Variants in POU3F3 observed in about 807,000 individuals in gnomAD.
The protein encoded by POU3F3 is POU domain, class 3, transcription factor 3.
A neutral mutation model predicts 8.6 loss-of-function variants in POU3F3; 1 was observed. The observed-to-expected ratio is 0.12, with a 90% CI of 0.04 to 0.55. POU3F3 has a LOEUF of 0.55. Among genes scored for constraint, POU3F3 ranks in the 20% least tolerant of loss-of-function variants. POU3F3 has a pLI of 0.91. For synonymous variants in POU3F3, 418 were observed against 327.4 expected (o/e 1.28, Z -2.99); for missense variants, 577 against 690.7 (o/e 0.84, Z 1.84).
At chr2:104,906,065 G>A in the POU3F3 span, among the ~76,000 whole-genome samples, 2 of 152,160 alleles carry the variant, frequency 1.3e-5, no homozygotes, top group East Asian at 3.9e-4. Flanking sequence ...CTATATTCAT[G>A]TAGTTCCAGT....
At chr2:104,914,133 A>G in the POU3F3 span, among the ~76,000 whole-genome samples, 1 of 152,346 alleles carries the variant, frequency 6.6e-6, no homozygotes, top group East Asian at 1.9e-4. Context: ...TCTCTGTTTT[A>G]TTAAGTTTGT....
chr2:104,915,563 G>C, the POU3F3 span, among the ~76,000 whole-genome samples: 1 of 152,116 alleles, frequency 6.6e-6, no homozygotes, highest in Non-Finnish European at 1.5e-5. Context: ...TGAAAGGCTG[G>C]CTCTGTGGCC....
chr2:104,922,910 G>C, the POU3F3 span, among the ~76,000 whole-genome samples: 5 of 152,272 alleles, frequency 3.3e-5, no homozygotes, highest in East Asian at 7.7e-4. Flanking sequence ...AGCTACAAGA[G>C]AGAAGTAAGG....
the POU3F3 span, among the ~76,000 whole-genome samples, chr2:104,916,351 T>C: frequency 6.6e-6 from 1 of 152,188 alleles, no homozygotes; most frequent in Non-Finnish European, 1.5e-5. Flanking sequence ...TCTTGCTGGG[T>C]AAGAAATGAA....
At chr2:104,878,419 C>T in the POU3F3 span, among the ~76,000 whole-genome samples, 1 of 152,146 alleles carries the variant, frequency 6.6e-6, no homozygotes, top group Non-Finnish European at 1.5e-5. Context: ...TATTGTCTAC[C>T]TGCACGTACT....
At chr2:104,922,229 A>G in the POU3F3 span, among the ~76,000 whole-genome samples, 445 of 152,250 alleles carry the variant, frequency 2.9e-3, 1 homozygote, top group African/African-American at 0.01. Flanking sequence ...TTAGATTCCA[A>G]TGTCTTGTTT....
At chr2:104,902,480 A>G in the POU3F3 span, among the ~76,000 whole-genome samples, 1 of 152,164 alleles carries the variant, frequency 6.6e-6, no homozygotes, top group Non-Finnish European at 1.5e-5. Flanking sequence ...ATTGAATGAA[A>G]CAATACCCTG....
At chr2:104,862,999 T>C (rs1329652134), downstream of POU3F3, among the ~76,000 whole-genome samples, 1 of 151,274 alleles carries the variant, frequency 6.6e-6, no homozygotes, top group African/African-American at 2.4e-5. Flanking sequence ...AATAGTAAAT[T>C]CTTTTTTTTT....
chr2:104,893,812 G>T, the POU3F3 span, among the ~76,000 whole-genome samples: 2 of 151,470 alleles, frequency 1.3e-5, no homozygotes, highest in Non-Finnish European at 2.9e-5. Flanking sequence ...GAACCCTGGA[G>T]GCGGAGGTTG....
the POU3F3 span, chr2:104,866,552 C>T: frequency 6.6e-6 from 1 of 152,186 alleles, no homozygotes; most frequent in Non-Finnish European, 1.5e-5. Context: ...CAAGTGCTGG[C>T]TGAGTTGGGG....
the POU3F3 span, among the ~76,000 whole-genome samples, chr2:104,924,265 T>C: frequency 1.3e-5 from 2 of 152,180 alleles, no homozygotes; most frequent in African/African-American, 2.4e-5. Context: ...TATGGAAAGA[T>C]GATGTTACAG....
chr2:104,855,487 G>GCTGC lies in POU3F3; in HGVS notation c.-24_-23insCTGC. On this transcript the variant is annotated 5_prime_UTR_variant, in exon 1 of 1. Coordinates refer to ENST00000361360, the MANE Select transcript of POU3F3 (RefSeq NM_006236.3). ...GGCGGCGGCGGCGGTGGTGGCGGCG[G>GCTGC]TGGGGTGGCGGGAGCGGAGCGGCAT... is the stretch of plus-strand genomic sequence containing the variant. 1 of 973,936 alleles carries GCTGC rather than the reference G, an allele frequency of 1.0e-6. No homozygotes were observed. The highest frequency in any genetic ancestry group is 1.2e-6 in the Non-Finnish European group (1 of 821,366). 60.3% of individuals were successfully genotyped at this position (973,936 alleles called of 1,614,324 possible). A position where few individuals can be genotyped will look rare whatever the true frequency, so the allele number is the denominator to read the frequency against.
the POU3F3 span, among the ~76,000 whole-genome samples, chr2:104,909,287 G>A: frequency 6.6e-6 from 1 of 152,158 alleles, no homozygotes; most frequent in Non-Finnish European, 1.5e-5. Context: ...GCCTGATGAG[G>A]GAGAAAACCA....
chr2:104,903,662 C>G, the POU3F3 span, among the ~76,000 whole-genome samples: 1 of 152,318 alleles, frequency 6.6e-6, no homozygotes, highest in East Asian at 1.9e-4. Flanking sequence ...GCATATGTGT[C>G]TGGCGCCTAA....
Position 104,856,256 on chromosome 2 carries a change from G to C in POU3F3, c.746G>C (p.Gly249Ala), listed in dbSNP as rs1676565993. ...GPGGGGGGAG[G>A]GAQSLVHPGL... The stretch of plus-strand genomic sequence containing the variant: ...GGCGGCGGCGGCGGCGGCGCGGGCG[G>C]TGGAGCCCAGAGCTTGGTGCACCCG... The change falls in exon 1 of 1, where the codon GGT (glycine) becomes GCT (alanine). Residue 249 changes from glycine (G) to alanine (A), a missense_variant. Gly to Ala is a moderately conservative substitution (Grantham distance 60, BLOSUM62 0). Coordinates refer to ENST00000361360, the MANE Select transcript of POU3F3 (RefSeq NM_006236.3). 2 of 1,322,810 alleles carry C rather than the reference G, an allele frequency of 1.5e-6. No homozygotes were observed. The highest frequency in any genetic ancestry group is 1.9e-6 in the Non-Finnish European group (2 of 1,046,700). The allele number at this position is 1,322,810 out of a possible 1,614,324, so 81.9% of individuals were successfully genotyped here.
chr2:104,913,504 A>G, the POU3F3 span, among the ~76,000 whole-genome samples: 4 of 152,140 alleles, frequency 2.6e-5, no homozygotes, highest in Non-Finnish European at 4.4e-5. Flanking sequence ...TGTCTATCAG[A>G]GCTAAAAATG....
chr2:104,878,167 G>T, the POU3F3 span, among the ~76,000 whole-genome samples: 14 of 152,294 alleles, frequency 9.2e-5, no homozygotes, highest in Non-Finnish European at 2.1e-4. Flanking sequence ...GGTCAGCTTG[G>T]TGGAAGGACA....
rs1027811685 is a variant in POU3F3 at position 104,858,178 on chromosome 2, A to G, written c.*1165A>G. 1 of 152,226 alleles carries G rather than the reference A, an allele frequency of 6.6e-6. No individual in the cohort carries two copies. Among genetic ancestry groups the G allele is most frequent in the African/African-American group, 2.4e-5 (1 of 41,456 alleles). The allele number at this position is 152,226 out of a possible 1,614,324, so 9.4% of individuals were successfully genotyped here. On this transcript the variant is annotated 3_prime_UTR_variant, in exon 1 of 1. Transcript: ENST00000361360. The stretch of plus-strand genomic sequence containing the variant: ...GACTTCTCTCCTCAATCCGTTGCCA[A>G]CTTTGATTGAATGGGTGCTGTGGAT...
At chr2:104,926,214 G>A in the POU3F3 span, among the ~76,000 whole-genome samples, 4 of 152,090 alleles carry the variant, frequency 2.6e-5, no homozygotes, top group Non-Finnish European at 5.9e-5. Flanking sequence ...ATCTGACAAA[G>A]GGCTAATATC....
Sources: gnomAD v4.1 joint callset for allele counts (sites outside exome capture counted in the v4.1 genomes callset) on GRCh38, gnomAD v4.1.1 for gene constraint, MANE v1.5 for transcripts, NCBI Gene and HGNC (gene_info 2026-07-23, HGNC 2026-07-21) for gene names.